SPAM1: variants seen among roughly 807,000 people sequenced by gnomAD.
SPAM1 encodes the protein sperm adhesion molecule 1, also known as hyaluronidase PH-20.
In SPAM1, 22 loss-of-function variants were observed where a neutral mutation model predicts 29.6. The observed-to-expected ratio is 0.74, with a 90% CI of 0.53 to 1.06. The LOEUF (loss-of-function observed/expected upper bound fraction) is 1.06. SPAM1 is among the 50% of genes least tolerant of loss of function. SPAM1 has a pLI of 0.00. For synonymous variants in SPAM1, 194 were observed against 204.6 expected, an observed-to-expected ratio of 0.95 and a Z score of 0.44; for missense variants, 534 against 604.0, an observed-to-expected ratio of 0.88 and a Z score of 1.21.
chr7:123,959,945 C>T lies in SPAM1; in HGVS notation c.1506C>T (p.Ile502=). 1 of 1,609,760 alleles carries T rather than the reference C, an allele frequency of 6.2e-7. No individual in the cohort carries two copies. Among genetic ancestry groups the T allele is most frequent in the South Asian group, 1.1e-5 (1 of 90,572 alleles). Residue 502 remains isoleucine (I), a synonymous_variant, in exon 5 of 5, where the codon ATC becomes ATT. Coordinates refer to ENST00000682466, the MANE Select transcript of SPAM1 (RefSeq NM_153189.3). ...TMFIVSILFL[I]ISSVASL is the part of the protein sequence containing the mutation. The stretch of plus-strand genomic sequence containing the variant: ...TCATTGTTAGTATTTTGTTTCTTAT[C>T]ATTTCTTCTGTAGCGAGTTTGTAAT...
chr7:123,937,369 A>T (rs753771970), intron 1 of SPAM1, among the ~76,000 whole-genome samples: 3 of 152,162 alleles, frequency 2.0e-5, no homozygotes, highest in Non-Finnish European at 4.4e-5. Context: ...TGGGAGGCCA[A>T]GGCGGGCGGA....
chr7:123,930,281 T>C (rs1312909578), intron 1 of SPAM1, among the ~76,000 whole-genome samples: 1 of 152,156 alleles, frequency 6.6e-6, no homozygotes, highest in Non-Finnish European at 1.5e-5. Context: ...GATTCATCAT[T>C]TGGCCATTGT....
chr7:123,934,350 G>A (rs1186763176), intron 1 of SPAM1, among the ~76,000 whole-genome samples: 1 of 152,094 alleles, frequency 6.6e-6, no homozygotes, highest in Non-Finnish European at 1.5e-5. Flanking sequence ...AACAAATGCT[G>A]GTGAGGATAT....
chr7:123,932,726 C>A (rs1303838168), intron 1 of SPAM1, among the ~76,000 whole-genome samples: 1 of 152,166 alleles, frequency 6.6e-6, no homozygotes, highest in Non-Finnish European at 1.5e-5. Flanking sequence ...TCCTGCTAAT[C>A]TGAATTTGAA....
At chr7:123,933,706 G>A (rs1387512405) in intron 1 of SPAM1, among the ~76,000 whole-genome samples, 1 of 152,070 alleles carries the variant, frequency 6.6e-6, no homozygotes, top group Non-Finnish European at 1.5e-5. Flanking sequence ...GAATATACAA[G>A]GAACTCAAAC....
At chr7:123,931,440 A>G (rs1028848072) in intron 1 of SPAM1, among the ~76,000 whole-genome samples, 4 of 152,168 alleles carry the variant, frequency 2.6e-5, no homozygotes, top group African/African-American at 9.6e-5. Context: ...CCATACCTAG[A>G]AGGAAGGAAT....
rs1464942454 is a variant in SPAM1 at position 123,955,224 on chromosome 7, T to C, written c.1044+138T>C. Reference sequence around the variant, plus strand: ...AGGTGCTCAATTAATACTGGCTGAATCAAAATACATTTGTGTGGTGGTTGT... The same window carrying C: ...AGGTGCTCAATTAATACTGGCTGAACCAAAATACATTTGTGTGGTGGTTGT... On this transcript the variant is annotated intron_variant, in intron 4 of 4. Transcript: ENST00000682466. 1.4e-5 allele frequency: 8 copies of C among 579,462 alleles called. No individual in the cohort carries two copies. In the African/African-American group the frequency reaches 1.5e-4, roughly 11 times the overall value. The allele number at this position is 579,462 out of a possible 1,614,324, so 35.9% of individuals were successfully genotyped here. A position where few individuals can be genotyped will look rare whatever the true frequency, so the allele number is the denominator to read the frequency against.
rs1035171373 is a variant in SPAM1 at position 123,954,419 on chromosome 7, G to T, written c.849G>T (p.Arg283=). Reference sequence around the variant, plus strand: ...CACTCTATGTGCGCAATCGAGTTCGGGAAGCCATCAGAGTTTCCAAAATAC... The same window carrying T: ...CACTCTATGTGCGCAATCGAGTTCGTGAAGCCATCAGAGTTTCCAAAATAC... ...AATLYVRNRV[R]EAIRVSKIPD... is the part of the protein sequence containing the mutation. The change falls in exon 3 of 5, where the codon CGG becomes CGT. Residue 283 remains arginine (R), a synonymous_variant. Transcript: ENST00000682466. 1 of 1,613,392 alleles carries T rather than the reference G, an allele frequency of 6.2e-7. No homozygotes were observed. The highest frequency in any genetic ancestry group is 1.3e-5 in the African/African-American group (1 of 74,980).
chr7:123,943,953 A>C (rs7811914), intron 1 of SPAM1, among the ~76,000 whole-genome samples: 17,148 of 152,184 alleles, frequency 0.11, 1,128 homozygotes, highest in South Asian at 0.15. Flanking sequence ...ATAAGATATA[A>C]TTTCCATAAG....
intron 1 of SPAM1, among the ~76,000 whole-genome samples, chr7:123,937,580 A>T (rs191058368): frequency 0.022 from 3,140 of 143,560 alleles, 134 homozygotes; most frequent in African/African-American, 0.078. Flanking sequence ...CAGCCTGGGC[A>T]ACAGAGACTC....
intron 1 of SPAM1, among the ~76,000 whole-genome samples, chr7:123,944,641 T>C (rs1274032659): frequency 6.6e-6 from 1 of 152,130 alleles, no homozygotes; most frequent in East Asian, 1.9e-4. Context: ...TCCTGAGCAA[T>C]TTAAAGCCAA....
intron 1 of SPAM1, among the ~76,000 whole-genome samples, chr7:123,944,798 C>A (rs1023601757): frequency 2.6e-5 from 4 of 152,022 alleles, no homozygotes; most frequent in African/African-American, 9.7e-5. Flanking sequence ...TAATTTCAGT[C>A]CTTTTAAAAG....
chr7:123,968,661 CA>C (rs1584966689), intron 5 of SPAM1, among the ~76,000 whole-genome samples: 1 of 151,688 alleles, frequency 6.6e-6, no homozygotes, highest in East Asian at 1.9e-4. Context: ...GTGTCTTTAA[CA>C]ATGGATAATA....
Position 123,970,197 on chromosome 7 carries a change from G to A in SPAM1, c.1486-1G>A, listed in dbSNP as rs959683052. The A allele has an allele frequency of 1.3e-6, 2 of 1,548,752 alleles. No homozygotes were observed. Among genetic ancestry groups the A allele is most frequent in the Non-Finnish European group, 1.7e-6 (2 of 1,145,056 alleles). On this transcript the variant is annotated splice_acceptor_variant, in intron 5 of 6. Coordinates refer to the SPAM1 transcript ENST00000340011. LOFTEE classifies it high-confidence loss of function. ...TTAATTTTCTTATGGTTTTCTTACA[G>A]TGGAGGCTGGAAGTCTGGGATCAAG...
At chr7:123,941,099 T>G (rs1808413676) in intron 1 of SPAM1, among the ~76,000 whole-genome samples, 1 of 152,354 alleles carries the variant, frequency 6.6e-6, no homozygotes, top group Admixed American at 6.5e-5. Context: ...GGAACTGCTC[T>G]TGAAGGATTT....
intron 1 of SPAM1, among the ~76,000 whole-genome samples, chr7:123,938,813 G>A (rs1028635764): frequency 4.6e-5 from 7 of 152,122 alleles, no homozygotes; most frequent in African/African-American, 1.4e-4. Flanking sequence ...ATTACGTAAT[G>A]CACCAGTAAT....
At chr7:123,959,352 GAA>G (rs1162480587) in intron 4 of SPAM1, 130 bp from the exon 5 acceptor site, 1 of 633,282 alleles carries the variant, frequency 1.6e-6, no homozygotes, top group Non-Finnish European at 2.7e-6. Flanking sequence ...AGGTAAAAAA[GAA>G]ATTATCTTCT....
intron 1 of SPAM1, among the ~76,000 whole-genome samples, chr7:123,935,838 C>T (rs889892359): frequency 6.6e-6 from 1 of 152,162 alleles, no homozygotes; most frequent in Non-Finnish European, 1.5e-5. Context: ...CTTATTCATG[C>T]AATGACACTC....
downstream of SPAM1, among the ~76,000 whole-genome samples, chr7:123,961,941 C>T (rs968084349): frequency 2.6e-5 from 4 of 151,902 alleles, no homozygotes; most frequent in Non-Finnish European, 5.9e-5. Context: ...ACCACGAGAA[C>T]AGTAGGGGGG....
Sources: gnomAD v4.1 joint callset for allele counts (sites outside exome capture counted in the v4.1 genomes callset) on GRCh38, gnomAD v4.1.1 for gene constraint, MANE v1.5 for transcripts, NCBI Gene and HGNC (gene_info 2026-07-23, HGNC 2026-07-21) for gene names.